HMGCLL1: variants seen among roughly 807,000 people sequenced by gnomAD.
HMGCLL1 encodes 3-hydroxymethyl-3-methylglutaryl-CoA lyase, cytoplasmic.
HMGCLL1 carries 36 observed loss-of-function variants against 39.1 expected under a neutral mutation model. The ratio of observed to expected loss-of-function variants is 0.92; its 90% CI spans 0.71 to 1.22. HMGCLL1 has a LOEUF of 1.22. HMGCLL1 is among the 50% of genes most tolerant of loss of function. The pLI is 0.00. For synonymous variants in HMGCLL1, 149 were observed against 144.0 expected (o/e 1.03, Z -0.25); for missense variants, 451 against 416.5 (o/e 1.08, Z -0.72).
chr6:55,509,178 T>C lies in HMGCLL1; in HGVS notation c.542+4870A>G, dbSNP rs142135127. 3.0e-3 allele frequency among the ~76,000 whole-genome samples: 459 copies of C among 152,042 alleles called. 5 individuals carry two copies. Among genetic ancestry groups the C allele is most frequent in the African/African-American group, 0.01 (426 of 41,534 alleles). On this transcript the variant is annotated intron_variant, in intron 5 of 8. Transcript: ENST00000274901. ...TGTCCCATATTTTGGTGGTACATAA[T>C]GATGATTGAATTGTTCTTCCAGACC...
the HMGCLL1 span, among the ~76,000 whole-genome samples, chr6:55,673,528 C>A: frequency 3.3e-3 from 498 of 151,940 alleles, 5 homozygotes; most frequent in Middle Eastern, 0.01. Context: ...CAAGGGCGAA[C>A]GAACATGCTT....
At chr6:55,510,342 G>A (rs549787934) in intron 5 of HMGCLL1, among the ~76,000 whole-genome samples, 4 of 151,656 alleles carry the variant, frequency 2.6e-5, no homozygotes, top group Admixed American at 6.6e-5. Context: ...ACATGCACAC[G>A]TATGTTTATT....
chr6:55,536,529 C>T (rs576096980), intron 3 of HMGCLL1, among the ~76,000 whole-genome samples: 116 of 152,254 alleles, frequency 7.6e-4, no homozygotes, highest in African/African-American at 2.8e-3. Context: ...CGGCCACATT[C>T]CAATGTTGCA....
rs986214702 is a variant in HMGCLL1, at chr6:55,522,086, A to C, written c.298-5483T>G. On this transcript the variant is annotated intron_variant, in intron 3 of 8. Transcript: ENST00000274901. The stretch of plus-strand genomic sequence containing the variant: ...ACAACATTCCCCTAAGCCAAAGCCT[A>C]ATCCAGGGAAAGGCCTGATGCTCTT... Among the ~76,000 whole-genome samples, 5 of 152,024 alleles carry C rather than the reference A, an allele frequency of 3.3e-5. 1 individual carries two copies. Among genetic ancestry groups the C allele is most frequent in the Admixed American group, 3.3e-4 (5 of 15,212 alleles).
At chr6:55,497,992 A>G (rs1397894077) in intron 6 of HMGCLL1, among the ~76,000 whole-genome samples, 1 of 152,158 alleles carries the variant, frequency 6.6e-6, no homozygotes, top group Non-Finnish European at 1.5e-5. Context: ...AGAGTGAGTT[A>G]AGCACAAAAT....
intron 5 of HMGCLL1, among the ~76,000 whole-genome samples, chr6:55,501,788 C>T (rs537747212): frequency 1.6e-4 from 24 of 151,888 alleles, no homozygotes; most frequent in Admixed American, 7.9e-4. Context: ...GAAAATCACT[C>T]AACTATTAGC....
intron 1 of HMGCLL1, among the ~76,000 whole-genome samples, chr6:55,561,399 T>C (rs1336930747): frequency 1.3e-5 from 2 of 152,122 alleles, no homozygotes; most frequent in Non-Finnish European, 2.9e-5. Context: ...ATATAGATCA[T>C]AAGGCCCTTC....
chr6:55,516,677 G>T (rs1561931027), intron 3 of HMGCLL1, 74 bp from the exon 4 acceptor site: 15 of 978,554 alleles, frequency 1.5e-5, no homozygotes, highest in Non-Finnish European at 1.4e-5. Flanking sequence ...GTTTCAGGTA[G>T]GTTATAGTTA....
At chr6:55,541,980 A>T in intron 2 of HMGCLL1, 80 bp downstream of exon 2, 3 of 1,023,182 alleles carry the variant, frequency 2.9e-6, no homozygotes, top group East Asian at 2.6e-5. Flanking sequence ...ATCAGATAAC[A>T]TATGAAATCC....
At chr6:55,552,669 G>A (rs1001816985) in intron 1 of HMGCLL1, among the ~76,000 whole-genome samples, 2 of 151,824 alleles carry the variant, frequency 1.3e-5, no homozygotes, top group Non-Finnish European at 2.9e-5. Flanking sequence ...ACTACTGAGT[G>A]GACATTTAAT....
At position 55,499,347 on chromosome 6, in the gene HMGCLL1, ATTTC is replaced by A. The variant is rs770442346; in HGVS notation, c.543-52_543-49del. The A allele has an allele frequency of 5.2e-5, 70 of 1,343,784 alleles. No individual in the cohort carries two copies. In the East Asian group the frequency reaches 1.7e-3, roughly 32 times the overall value. 83.2% of individuals were successfully genotyped at this position (1,343,784 alleles called of 1,614,324 possible). On this transcript the variant is annotated intron_variant, in intron 5 of 8. Transcript: ENST00000274901. ...TAAATATGCATATGGTAAATAAGCCATTTCCATTTTATAAAAATTAAGAATTAGC... is the reference window on the plus strand; with the variant it reads ...TAAATATGCATATGGTAAATAAGCCACATTTTATAAAAATTAAGAATTAGC...
the HMGCLL1 span, among the ~76,000 whole-genome samples, chr6:55,637,736 G>GTGTGTGTGTGTC: frequency 6.7e-6 from 1 of 148,238 alleles, no homozygotes; most frequent in Non-Finnish European, 1.5e-5. Flanking sequence ...GTGTGTGTGT[G>GTGTGTGTGTGTC]TGTATGTGTC....
rs4398738 is a variant in HMGCLL1, at chr6:55,563,926, A to T, written c.108+15022T>A. On this transcript the variant is annotated intron_variant, in intron 1 of 8. Transcript: ENST00000274901. The stretch of plus-strand genomic sequence containing the variant: ...ACAGACTGAAGCTCCTTTGGAGAGG[A>T]GGAATGAGGAGCTGTTGAAACAGGG... 1.3e-5 allele frequency: 16 copies of T among 1,259,410 alleles called. No homozygotes were observed. In the East Asian group the frequency reaches 6.2e-4, roughly 49 times the overall value. 78.0% of individuals were successfully genotyped at this position (1,259,410 alleles called of 1,614,324 possible).
chr6:55,515,826 A>G (rs545667620), intron 4 of HMGCLL1, among the ~76,000 whole-genome samples: 1 of 152,240 alleles, frequency 6.6e-6, no homozygotes, highest in East Asian at 1.9e-4. Context: ...ATACCCCACA[A>G]TCTCAACTTT....
chr6:55,479,616 T>G (rs1266772687), intron 7 of HMGCLL1, among the ~76,000 whole-genome samples: 2 of 151,638 alleles, frequency 1.3e-5, no homozygotes, highest in Non-Finnish European at 2.9e-5. Context: ...TCATTTTTTA[T>G]ATTAGCACAG....
chr6:55,628,068 G>A, the HMGCLL1 span, among the ~76,000 whole-genome samples: 21 of 84 alleles, frequency 0.25, 9 homozygotes, highest in Non-Finnish European at 0.3. Flanking sequence ...TATATATAGT[G>A]TATATATATA....
intron 7 of HMGCLL1, among the ~76,000 whole-genome samples, chr6:55,490,049 G>A (rs1433018914): frequency 6.6e-6 from 1 of 152,068 alleles, no homozygotes; most frequent in Non-Finnish European, 1.5e-5. Context: ...AAAGTGAAAA[G>A]CTACCAGCCA....
the HMGCLL1 span, among the ~76,000 whole-genome samples, chr6:55,605,993 T>C: frequency 4.6e-5 from 7 of 152,196 alleles, no homozygotes; most frequent in Non-Finnish European, 7.4e-5. Context: ...TGTAAGATAT[T>C]CTCTTTAACA....
chr6:55,525,762 C>T (rs915704895), intron 3 of HMGCLL1, among the ~76,000 whole-genome samples: 3 of 151,944 alleles, frequency 2.0e-5, no homozygotes, highest in South Asian at 4.1e-4. Flanking sequence ...TGGAAATCTG[C>T]ACATTCAGTA....
Sources: allele counts gnomAD v4.1 joint callset (sites outside exome capture counted in the v4.1 genomes callset), GRCh38; gene constraint gnomAD v4.1.1; transcripts MANE v1.5; gene names NCBI Gene and HGNC (gene_info 2026-07-23, HGNC 2026-07-21).